Variants in NEGR1 observed in about 807,000 individuals in gnomAD.
The protein encoded by NEGR1 is IgLON family member 4.
NEGR1 carries 10 observed loss-of-function variants against 40.9 expected under a neutral mutation model. The ratio of observed to expected loss-of-function variants is 0.24; its 90% CI spans 0.15 to 0.42. NEGR1 has a LOEUF of 0.42. Among genes scored for constraint, NEGR1 ranks in the 10% least tolerant of loss-of-function variants. The pLI is 1.00. For missense variants in NEGR1, 352 were observed against 438.9 expected, an observed-to-expected ratio of 0.80 and a Z score of 1.77; for synonymous variants, 185 against 166.8, an observed-to-expected ratio of 1.11 and a Z score of -0.84.
intron 1 of NEGR1, among the ~76,000 whole-genome samples, chr1:72,243,471 T>C (rs1654812191): frequency 6.6e-6 from 1 of 151,776 alleles, no homozygotes; most frequent in Admixed American, 6.6e-5. Flanking sequence ...TCTGCACATG[T>C]ACCCCTTGAA....
chr1:72,266,838 C>T (rs1343820893), intron 1 of NEGR1, among the ~76,000 whole-genome samples: 1 of 149,128 alleles, frequency 6.7e-6, no homozygotes, highest in African/African-American at 2.5e-5. Context: ...TTATTAAAAC[C>T]CTTTTTTTTG....
intron 2 of NEGR1, among the ~76,000 whole-genome samples, chr1:71,902,443 A>G (rs1437747545): frequency 6.6e-6 from 1 of 152,180 alleles, no homozygotes; most frequent in African/African-American, 2.4e-5. Flanking sequence ...TTCACTTACA[A>G]TATATTTAGA....
rs141418200 is a variant in NEGR1 at position 71,600,951 on chromosome 1, A to G, written c.789-7983T>C. ...CCGAACTGAGCGTGGTCCCTCCCTA[A>G]ACTTTCTTCCTGTGTTCCAGCCTCA... is the stretch of plus-strand genomic sequence containing the variant. On this transcript the variant is annotated intron_variant, in intron 5 of 6. Coordinates refer to ENST00000357731, the MANE Select transcript of NEGR1 (RefSeq NM_173808.3). 4.2e-3 allele frequency among the ~76,000 whole-genome samples: 638 copies of G among 152,200 alleles called. 3 individuals carry two copies. The highest frequency in any genetic ancestry group is 0.014 in the African/African-American group (575 of 41,506).
chr1:71,813,940 T>C (rs1182323058), intron 2 of NEGR1, among the ~76,000 whole-genome samples: 1 of 152,130 alleles, frequency 6.6e-6, no homozygotes, highest in Non-Finnish European at 1.5e-5. Flanking sequence ...TCTTGCCTGA[T>C]TGCCCTTGCC....
At chr1:72,142,590 T>C (rs1317015577) in intron 1 of NEGR1, among the ~76,000 whole-genome samples, 1 of 151,652 alleles carries the variant, frequency 6.6e-6, no homozygotes, top group Admixed American at 6.6e-5. Context: ...GAACATAATA[T>C]CACTATGTAG....
rs533861917 is a variant in NEGR1, at chr1:72,096,099, T to A, written c.177-160788A>T. Among the ~76,000 whole-genome samples, 39 of 152,316 alleles carry A rather than the reference T, an allele frequency of 2.6e-4. 1 individual carries two copies. The South Asian group carries it at 8.1e-3, about 32-fold the overall frequency. Reference sequence around the variant, plus strand: ...TCTTCTCTCTGTGGACACATTTTTTTATACTTCAAATAAAAATCTTTAGAT... The same window carrying A: ...TCTTCTCTCTGTGGACACATTTTTTAATACTTCAAATAAAAATCTTTAGAT... On this transcript the variant is annotated intron_variant, in intron 1 of 6. Coordinates refer to ENST00000357731, the MANE Select transcript of NEGR1 (RefSeq NM_173808.3).
chr1:71,575,205 G>A (rs978255468), intron 6 of NEGR1, among the ~76,000 whole-genome samples: 1 of 152,130 alleles, frequency 6.6e-6, no homozygotes, highest in African/African-American at 2.4e-5. Context: ...TAAGAGCCTG[G>A]TAATTTATAT....
chr1:72,094,323 T>C (rs537886618), intron 1 of NEGR1, among the ~76,000 whole-genome samples: 1 of 152,040 alleles, frequency 6.6e-6, no homozygotes, highest in South Asian at 2.1e-4. Flanking sequence ...TCTCAAAGAA[T>C]AAAAAGTAGG....
intron 4 of NEGR1, among the ~76,000 whole-genome samples, chr1:71,641,355 C>T (rs1651343155): frequency 2.0e-5 from 3 of 151,934 alleles, no homozygotes; most frequent in African/African-American, 4.8e-5. Context: ...GTTCTATGAA[C>T]CACATTAAAA....
intron 2 of NEGR1, among the ~76,000 whole-genome samples, chr1:71,779,004 T>C (rs548964109): frequency 6.6e-6 from 1 of 152,148 alleles, no homozygotes; most frequent in South Asian, 2.1e-4. Flanking sequence ...TCATTCTCAG[T>C]GATTGCAATT....
intron 1 of NEGR1, among the ~76,000 whole-genome samples, chr1:72,181,400 C>A (rs1022252179): frequency 3.3e-5 from 5 of 152,078 alleles, no homozygotes; most frequent in Admixed American, 2.6e-4. Flanking sequence ...TTTGTCCATG[C>A]TATAGCTGCT....
chr1:71,590,510 T>C (rs951335649), intron 6 of NEGR1, among the ~76,000 whole-genome samples: 8 of 151,940 alleles, frequency 5.3e-5, no homozygotes, highest in Non-Finnish European at 4.4e-5. Context: ...CAACATCTAG[T>C]GCCGTGCTTT....
At chr1:71,764,930 G>T (rs1218924391) in intron 3 of NEGR1, among the ~76,000 whole-genome samples, 1 of 151,974 alleles carries the variant, frequency 6.6e-6, no homozygotes, top group African/African-American at 2.4e-5. Flanking sequence ...ATTGTGATGT[G>T]CGATGAAAAG....
chr1:71,653,511 G>T (rs1302044312), intron 4 of NEGR1, among the ~76,000 whole-genome samples: 1 of 151,820 alleles, frequency 6.6e-6, no homozygotes, highest in Non-Finnish European at 1.5e-5. Flanking sequence ...ATTAGATTGA[G>T]GTCTTTGATT....
chr1:71,609,375 C>T (rs541731884), intron 5 of NEGR1, among the ~76,000 whole-genome samples: 31 of 150,952 alleles, frequency 2.1e-4, no homozygotes, highest in South Asian at 1.0e-3. Context: ...ATAAGCCGGG[C>T]GTGGTGGCGG....
chr1:71,543,295 A>G (rs1041695211), intron 6 of NEGR1, among the ~76,000 whole-genome samples: 1 of 151,756 alleles, frequency 6.6e-6, no homozygotes, highest in Non-Finnish European at 1.5e-5. Context: ...CATGGAGAGT[A>G]GTAGTCACAC....
At chr1:71,851,825 C>G (rs1659612608) in intron 2 of NEGR1, among the ~76,000 whole-genome samples, 1 of 151,832 alleles carries the variant, frequency 6.6e-6, no homozygotes, top group Admixed American at 6.6e-5. Flanking sequence ...ATATTTAAAC[C>G]GTGGATTTAT....
chr1:72,024,429 T>C (rs982346183), intron 1 of NEGR1, among the ~76,000 whole-genome samples: 2 of 152,074 alleles, frequency 1.3e-5, no homozygotes, highest in Non-Finnish European at 1.5e-5. Context: ...AAATTCTTCA[T>C]ATTAAATTAT....
chr1:71,848,958 C>T (rs1408640956), intron 2 of NEGR1, among the ~76,000 whole-genome samples: 2 of 152,078 alleles, frequency 1.3e-5, no homozygotes, highest in South Asian at 2.1e-4. Flanking sequence ...GGTGTGGGGG[C>T]GCACGCCTAT....
Sources: gnomAD v4.1 joint callset for allele counts (sites outside exome capture counted in the v4.1 genomes callset) on GRCh38, gnomAD v4.1.1 for gene constraint, MANE v1.5 for transcripts, NCBI Gene and HGNC (gene_info 2026-07-23, HGNC 2026-07-21) for gene names.